The following DRICH1 variants were observed in gnomAD, a reference collection of about 807,000 sequenced individuals.
The protein encoded by DRICH1 is aspartate rich 1, also known as aspartate-rich protein 1.
A neutral mutation model predicts 39.5 loss-of-function variants in DRICH1; 38 were observed. That is an observed-to-expected ratio of 0.96 (90% CI 0.74 to 1.26). DRICH1 has a LOEUF of 1.26. DRICH1 is among the 50% of genes most tolerant of loss of function. DRICH1 has a pLI of 0.00. For synonymous variants in DRICH1, 84 were observed against 99.5 expected, an observed-to-expected ratio of 0.84 and a Z score of 0.93; for missense variants, 279 against 270.4, an observed-to-expected ratio of 1.03 and a Z score of -0.22.
chr22:23,631,721 G>A (rs1302241731), intron 1 of DRICH1, 95 bp downstream of exon 1: 3 of 1,017,528 alleles, frequency 2.9e-6, no homozygotes, highest in East Asian at 2.6e-5. Context: ...GAGGGAGCTG[G>A]AAGCTGAGGA....
intron 5 of DRICH1, among the ~76,000 whole-genome samples, chr22:23,620,123 T>C (rs1415484153): frequency 6.6e-6 from 1 of 152,164 alleles, no homozygotes; most frequent in Non-Finnish European, 1.5e-5. Flanking sequence ...GTACTTCTCA[T>C]CATGATGACA....
chr22:23,592,879 C>CACACAA, the DRICH1 span, among the ~76,000 whole-genome samples: 8 of 127,226 alleles, frequency 6.3e-5, no homozygotes, highest in South Asian at 7.6e-4. Flanking sequence ...CACACACACA[C>CACACAA]AAAATTAGCT....
intron 1 of DRICH1, among the ~76,000 whole-genome samples, chr22:23,628,805 C>T (rs1928225642): frequency 6.6e-6 from 1 of 152,142 alleles, no homozygotes; most frequent in Non-Finnish European, 1.5e-5. Flanking sequence ...CTGATTCCTG[C>T]TCTGCCCCCC....
the DRICH1 span, among the ~76,000 whole-genome samples, chr22:23,587,701 G>A: frequency 6.6e-6 from 1 of 152,192 alleles, no homozygotes; most frequent in Non-Finnish European, 1.5e-5. Context: ...CCAGGAACCA[G>A]GCCCAAGGCC....
At chr22:23,601,348 T>A in the DRICH1 span, among the ~76,000 whole-genome samples, 2 of 152,176 alleles carry the variant, frequency 1.3e-5, no homozygotes, top group Non-Finnish European at 2.9e-5. Context: ...CTCAGAAGGT[T>A]ACATACTTAG....
the DRICH1 span, among the ~76,000 whole-genome samples, chr22:23,588,267 C>G: frequency 6.6e-6 from 1 of 152,198 alleles, no homozygotes; most frequent in Non-Finnish European, 1.5e-5. Flanking sequence ...GCTGGGATTA[C>G]AGGTACCCAT....
At chr22:23,620,837 C>T (rs1170687556) in intron 4 of DRICH1, among the ~76,000 whole-genome samples, 1 of 152,132 alleles carries the variant, frequency 6.6e-6, no homozygotes, top group Non-Finnish European at 1.5e-5. Context: ...ATCTTTAAGG[C>T]TATTGACTTA....
At chr22:23,592,870 AC>A in the DRICH1 span, among the ~76,000 whole-genome samples, 15 of 150,944 alleles carry the variant, frequency 9.9e-5, no homozygotes, top group African/African-American at 3.2e-4. Context: ...ACACACACAC[AC>A]ACACACACAA....
At chr22:23,611,573 A>C (rs949561890) in intron 11 of DRICH1, among the ~76,000 whole-genome samples, 6 of 151,984 alleles carry the variant, frequency 3.9e-5, no homozygotes, top group Admixed American at 3.9e-4. Context: ...TTGTATTTTT[A>C]GTAGAGACGG....
the DRICH1 span, among the ~76,000 whole-genome samples, chr22:23,600,863 G>A: frequency 1.6e-4 from 24 of 151,752 alleles, no homozygotes; most frequent in Non-Finnish European, 8.8e-5. Context: ...TAGTAGAGAC[G>A]GGGTTTCACC....
the DRICH1 span, among the ~76,000 whole-genome samples, chr22:23,599,579 C>A: frequency 6.6e-6 from 1 of 152,166 alleles, no homozygotes; most frequent in Non-Finnish European, 1.5e-5. Context: ...CTGAGATGAT[C>A]CCTCAGGGTG....
chr22:23,614,335 C>G (rs1927225384), intron 8 of DRICH1, 121 bp from the exon 9 acceptor site: 3 of 705,050 alleles, frequency 4.3e-6, no homozygotes, highest in Non-Finnish European at 7.7e-6. Context: ...TGAGTTGATG[C>G]TGGGCTATTC....
the DRICH1 span, chr22:23,581,000 T>C: frequency 6.6e-6 from 1 of 152,238 alleles, no homozygotes; most frequent in African/African-American, 2.4e-5. Flanking sequence ...CAAAACTGTA[T>C]ATATATTTAC....
chr22:23,620,669 C>T, intron 4 of DRICH1, 54 bp from the exon 5 acceptor site: 1 of 1,589,408 alleles, frequency 6.3e-7, no homozygotes, highest in Non-Finnish European at 8.6e-7. Context: ...CTGCTGCACC[C>T]CTTACACAGA....
chr22:23,625,972 G>A lies in DRICH1; in HGVS notation c.276+9C>T. On this transcript the variant is annotated intron_variant, in intron 2 of 11. Transcript: ENST00000317749. The stretch of plus-strand genomic sequence containing the variant: ...CATTTCCTTAGAAGGCAAAGAAAGG[G>A]GGTCTTACCTTGGCATCATCATTGT... 2 of 1,608,794 alleles carry A rather than the reference G, an allele frequency of 1.2e-6. No homozygotes were observed. The highest frequency in any genetic ancestry group is 1.7e-6 in the Non-Finnish European group (2 of 1,175,944).
At chr22:23,620,838 TATTGACTTAG>T (rs1419881301) in intron 4 of DRICH1, among the ~76,000 whole-genome samples, 1 of 152,206 alleles carries the variant, frequency 6.6e-6, no homozygotes, top group Non-Finnish European at 1.5e-5. Flanking sequence ...TCTTTAAGGC[TATTGACTTAG>T]ATTGGTAAAT....
At chr22:23,592,101 G>A in the DRICH1 span, among the ~76,000 whole-genome samples, 5,262 of 152,302 alleles carry the variant, frequency 0.035, 142 homozygotes, top group Non-Finnish European at 0.053. Context: ...ACACAGGAAC[G>A]CAATGGGGCT....
the DRICH1 span, among the ~76,000 whole-genome samples, chr22:23,589,792 C>G: frequency 6.6e-6 from 1 of 152,160 alleles, no homozygotes; most frequent in East Asian, 1.9e-4. Context: ...TTGGTGTTAC[C>G]TGTTTGGTGG....
chr22:23,583,650 G>A, the DRICH1 span, among the ~76,000 whole-genome samples: 24,772 of 152,282 alleles, frequency 0.16, 2,693 homozygotes, highest in Non-Finnish European at 0.25. Flanking sequence ...CCCGATCCTC[G>A]GGGAGATGGG....
Sources: allele counts gnomAD v4.1 joint callset (sites outside exome capture counted in the v4.1 genomes callset), GRCh38; gene constraint gnomAD v4.1.1; transcripts MANE v1.5; gene names NCBI Gene and HGNC (gene_info 2026-07-23, HGNC 2026-07-21).